The following HNRNPA1 variants were observed in gnomAD, a reference collection of about 807,000 sequenced individuals.
The protein encoded by HNRNPA1 is heterogeneous nuclear ribonucleoprotein A1.
In HNRNPA1, 7 loss-of-function variants were observed where a neutral mutation model predicts 44.4. The observed-to-expected ratio is 0.16, with a 90% confidence interval of 0.09 to 0.30. HNRNPA1 has a LOEUF of 0.30. Ranked by LOEUF, HNRNPA1 falls within the 10% of genes least tolerant of loss-of-function variation. The pLI is 1.00. For synonymous variants in HNRNPA1, 169 were observed against 160.6 expected, an observed-to-expected ratio of 1.05 and a Z score of -0.40; for missense variants, 193 against 465.8, an observed-to-expected ratio of 0.41 and a Z score of 5.39.
chr12:54,281,748 G>A (rs1443751931), intron 2 of HNRNPA1, 47 bp from the exon 3 acceptor site: 2 of 1,572,472 alleles, frequency 1.3e-6, no homozygotes, highest in African/African-American at 1.4e-5. Flanking sequence ...AATGACAAAA[G>A]CTTTTGCGGT....
In HNRNPA1 at chr12:54,282,629, G is replaced by A. The variant is rs766850110; in HGVS notation, c.640G>A (p.Asp214Asn). The A allele has an allele frequency of 1.2e-6, 2 of 1,613,982 alleles. No individual in the cohort carries two copies. Among genetic ancestry groups the A allele is most frequent in the Non-Finnish European group, 1.7e-6 (2 of 1,179,956 alleles). ...TCGTGGAGGTGGTTTCGGTGGGAAT[G>A]ACAACTTCGGTCGTGGAGGAAACTT... is the stretch of plus-strand genomic sequence containing the variant. ...GGRGGGFGGN[D>N]NFGRGGNFSG... Residue 214 changes from aspartate (D) to asparagine (N), a missense_variant, in exon 6 of 11, where the codon GAC (aspartate) becomes AAC (asparagine). Coordinates refer to ENST00000340913, the MANE Select transcript of HNRNPA1 (RefSeq NM_031157.4).
rs1944258806 is a variant in HNRNPA1 at position 54,286,039 on chromosome 12, C to T, written c.*1495C>T. Reference sequence around the variant, plus strand: ...AAGATCCAGGAGAGATGTTCAGCTACTAGGAACTGCTAGCAAGTATAGCGC... The same window carrying T: ...AAGATCCAGGAGAGATGTTCAGCTATTAGGAACTGCTAGCAAGTATAGCGC... On this transcript the variant is annotated 3_prime_UTR_variant, in exon 11 of 11. Transcript: ENST00000340913. 6.6e-6 allele frequency: 1 copy of T among 152,172 alleles called. No homozygotes were observed. The highest frequency in any genetic ancestry group is 1.5e-5 in the Non-Finnish European group (1 of 68,062). 9.4% of individuals were successfully genotyped at this position (152,172 alleles called of 1,614,324 possible). A position where few individuals can be genotyped will look rare whatever the true frequency, so the allele number is the denominator to read the frequency against.
At position 54,282,788 on chromosome 12, in the gene HNRNPA1, T is replaced by C. The variant is rs1944197110; in HGVS notation, c.677-12T>C. 1 of 1,555,752 alleles carries C rather than the reference T, an allele frequency of 6.4e-7. No homozygotes were observed. The highest frequency in any genetic ancestry group is 1.4e-5 in the African/African-American group (1 of 73,294). On this transcript the variant is annotated splice_polypyrimidine_tract_variant and intron_variant, in intron 6 of 10. Coordinates refer to ENST00000340913, the MANE Select transcript of HNRNPA1 (RefSeq NM_031157.4). The stretch of plus-strand genomic sequence containing the variant: ...CCAAGTCATACTTAAAACTTGAAAC[T>C]TTTTCTTACAGGTGGCTTTGGTGGC...
At chr12:54,281,240 C>T (rs1944162147) in intron 1 of HNRNPA1, 146 bp from the exon 2 acceptor site, 2 of 719,892 alleles carry the variant, frequency 2.8e-6, no homozygotes, top group Non-Finnish European at 5.1e-6. Context: ...ATACGGCCTC[C>T]CTTGATAGGC....
chr12:54,282,257 C>T lies in HNRNPA1; in HGVS notation c.447C>T (p.Ala149=), dbSNP rs199853948. Residue 149 remains alanine, a synonymous_variant, in exon 4 of 11, where the codon GCC becomes GCT. Transcript: ENST00000340913. ...DRGSGKKRGF[A]FVTFDDHDSV... Reference sequence around the variant, plus strand: ...GCAGTGGCAAGAAAAGGGGCTTTGCCTTTGTAACCTTTGACGACCATGACT... The same window carrying T: ...GCAGTGGCAAGAAAAGGGGCTTTGCTTTTGTAACCTTTGACGACCATGACT... 34 of 1,613,050 alleles carry T rather than the reference C, an allele frequency of 2.1e-5. No homozygotes were observed. In the African/African-American group the frequency reaches 3.3e-4, roughly 16 times the overall value.
In HNRNPA1 at chr12:54,282,649, A is replaced by C; in HGVS notation, c.660A>C (p.Gly220=). 1 of 1,613,648 alleles carries C rather than the reference A, an allele frequency of 6.2e-7. No homozygotes were observed. Residue 220 remains glycine, a synonymous_variant, in exon 6 of 11, where the codon GGA becomes GGC. Transcript: ENST00000340913. Reference sequence around the variant, plus strand: ...GGAATGACAACTTCGGTCGTGGAGGAAACTTCAGTGGTCGTGGTATGTATG... The same window carrying C: ...GGAATGACAACTTCGGTCGTGGAGGCAACTTCAGTGGTCGTGGTATGTATG... ...FGGNDNFGRG[G]NFSGRGGFGG...
chr12:54,282,360 C>G (rs1251747539), intron 4 of HNRNPA1, 34 bp from the exon 5 acceptor site: 2 of 1,609,880 alleles, frequency 1.2e-6, no homozygotes, highest in Admixed American at 1.7e-5. Flanking sequence ...ATTCTAAACC[C>G]TGATACCATG....
chr12:54,281,714 TCCTATTGC>T (rs1944174773), intron 2 of HNRNPA1, 73 bp from the exon 3 acceptor site: 1 of 1,414,576 alleles, frequency 7.1e-7, no homozygotes, highest in East Asian at 2.4e-5. Context: ...GTGTAAAGTT[TCCTATTGC>T]CCTATTCAAA....
chr12:54,280,805 G>C lies in HNRNPA1; in HGVS notation c.-3G>C. 3 of 1,614,150 alleles carry C rather than the reference G, an allele frequency of 1.9e-6. No homozygotes were observed. The highest frequency in any genetic ancestry group is 1.3e-5 in the African/African-American group (1 of 75,038). On this transcript the variant is annotated 5_prime_UTR_variant, in exon 1 of 11. Transcript: ENST00000340913. ...CGTTAAAGTCTCTCTTCACCCTGCC[G>C]TCATGTCTAAGTCAGAGGTGAGTTA...
chr12:54,284,143 TGTA>T, intron 9 of HNRNPA1, 112 bp from the exon 10 acceptor site: 5 of 1,271,944 alleles, frequency 3.9e-6, no homozygotes, highest in Non-Finnish European at 4.4e-6. Flanking sequence ...CCACCTCCCT[TGTA>T]GTAGGGCCAT....
intron 2 of HNRNPA1, 55 bp downstream of exon 2, chr12:54,281,557 G>A: frequency 2.4e-6 from 3 of 1,256,034 alleles, no homozygotes; most frequent in Non-Finnish European, 3.5e-6. Flanking sequence ...GGCTTATCTT[G>A]GTGCAGTCTT....
In HNRNPA1 at chr12:54,285,701, T is replaced by C. The variant is rs570075446; in HGVS notation, c.*1157T>C. On this transcript the variant is annotated 3_prime_UTR_variant, in exon 11 of 11. Coordinates refer to ENST00000340913, the MANE Select transcript of HNRNPA1 (RefSeq NM_031157.4). ...GTATAGAAAATGATTTCTAAACCTT[T>C]AACAGTTAATATCCAATAATGTGTT... is the stretch of plus-strand genomic sequence containing the variant. 7.9e-5 allele frequency: 12 copies of C among 152,298 alleles called. No individual in the cohort carries two copies. Among genetic ancestry groups the C allele is most frequent in the African/African-American group, 2.6e-4 (11 of 41,546 alleles). The allele number at this position is 152,298 out of a possible 1,614,324, so 9.4% of individuals were successfully genotyped here. A position where few individuals can be genotyped will look rare whatever the true frequency, so the allele number is the denominator to read the frequency against.
At chr12:54,281,629 G>A in intron 2 of HNRNPA1, 127 bp downstream of exon 2, 11 of 1,004,490 alleles carry the variant, frequency 1.1e-5, no homozygotes, top group African/African-American at 1.6e-5. Flanking sequence ...GCAAAGGAAC[G>A]TCCTGCTTTG....
Position 54,282,465 on chromosome 12 carries a change from A to G in HNRNPA1, c.562A>G (p.Ser188Gly). The change falls in exon 5 of 11, where the codon AGT becomes GGT. Residue 188 changes from serine to glycine, a missense_variant. Transcript: ENST00000340913. The stretch of plus-strand genomic sequence containing the variant: ...AGCCCTGTCAAAGCAAGAGATGGCT[A>G]GTGCTTCATCCAGCCAAAGAGGTAT... Reference protein sequence around the residue: ...RKALSKQEMASASSSQRGRSG... With the variant: ...RKALSKQEMAGASSSQRGRSG... The G allele has an allele frequency of 6.2e-7, 1 of 1,612,482 alleles. No homozygotes were observed. The highest frequency in any genetic ancestry group is 8.5e-7 in the Non-Finnish European group (1 of 1,178,986).
rs925402477 is a variant in HNRNPA1 at position 54,285,144 on chromosome 12, A to G, written c.*600A>G. ...AGTGATTGTTGGCACATCCTATGCA[A>G]TATATCTAAATTGAATAATGGTACC... On this transcript the variant is annotated 3_prime_UTR_variant, in exon 11 of 11. Coordinates refer to ENST00000340913, the MANE Select transcript of HNRNPA1 (RefSeq NM_031157.4). The G allele has an allele frequency of 1.3e-5, 2 of 154,732 alleles. No homozygotes were observed. Among genetic ancestry groups the G allele is most frequent in the African/African-American group, 4.8e-5 (2 of 41,456 alleles). 9.6% of individuals were successfully genotyped at this position (154,732 alleles called of 1,614,324 possible). A position where few individuals can be genotyped will look rare whatever the true frequency, so the allele number is the denominator to read the frequency against.
intron 2 of HNRNPA1, 95 bp from the exon 3 acceptor site, chr12:54,281,700 G>T (rs1208737762): frequency 1.6e-5 from 21 of 1,310,848 alleles, no homozygotes; most frequent in Non-Finnish European, 2.0e-5. Context: ...TTTATAAAAG[G>T]CTGGTGTAAA....
chr12:54,284,327 C>T lies in HNRNPA1; in HGVS notation c.*4+10C>T. Reference sequence around the variant, plus strand: ...AGAAGATTTTAATTAGGTAAGTAAGCACCTTTTTGTGTGTTGACATAATTT... The same window carrying T: ...AGAAGATTTTAATTAGGTAAGTAAGTACCTTTTTGTGTGTTGACATAATTT... On this transcript the variant is annotated intron_variant, in intron 10 of 10. Coordinates refer to ENST00000340913, the MANE Select transcript of HNRNPA1 (RefSeq NM_031157.4). The T allele has an allele frequency of 6.2e-7, 1 of 1,611,918 alleles. No homozygotes were observed. Among genetic ancestry groups the T allele is most frequent in the Non-Finnish European group, 8.5e-7 (1 of 1,178,410 alleles).
chr12:54,282,044 G>C (rs761350518), intron 3 of HNRNPA1, 46 bp from the exon 4 acceptor site: 2 of 1,596,032 alleles, frequency 1.3e-6, no homozygotes, highest in African/African-American at 1.4e-5. Flanking sequence ...TTTTTTATTC[G>C]AGTATAGGCT....
At position 54,283,174 on chromosome 12, in the gene HNRNPA1, G is replaced by A. The variant is rs375259222; in HGVS notation, c.847G>A (p.Gly283Arg). The A allele has an allele frequency of 3.6e-5, 58 of 1,610,188 alleles. No homozygotes were observed. The East Asian group carries it at 7.8e-4, about 22-fold the overall frequency. ...TGGAAACCAGGGCAGTGGCTATGGC[G>A]GGAGTGGCAGCTATGACAGCTATAA... ...GYGNQGSGYG[G>R]SGSYDSYNNG... is the part of the protein sequence containing the mutation. The change falls in exon 8 of 11, where the codon GGG becomes AGG. Residue 283 changes from glycine (G) to arginine (R), a missense_variant. Gly to Arg is a moderately radical substitution (Grantham distance 125). Transcript: ENST00000340913.
Sources: allele counts gnomAD v4.1 joint callset, GRCh38; gene constraint gnomAD v4.1.1; transcripts MANE v1.5; gene names NCBI Gene and HGNC (gene_info 2026-07-23, HGNC 2026-07-21).